Variants in NAA60 observed in about 807,000 individuals in gnomAD.
The protein encoded by NAA60 is N-alpha-acetyltransferase 60, NatF catalytic subunit, also known as N-alpha-acetyltransferase 60.
NAA60 carries 8 observed loss-of-function variants against 26.1 expected under a neutral mutation model. That is an observed-to-expected ratio of 0.31 (90% CI 0.18 to 0.55). NAA60 has a LOEUF of 0.55. Among genes scored for constraint, NAA60 ranks in the 20% least tolerant of loss-of-function variants. NAA60 has a pLI of 0.93. For synonymous variants in NAA60, 131 were observed against 122.5 expected, an observed-to-expected ratio of 1.07 and a Z score of -0.46; for missense variants, 290 against 311.3, an observed-to-expected ratio of 0.93 and a Z score of 0.51.
Position 3,485,443 on chromosome 16 carries a change from G to C in NAA60, c.*207-24G>C, listed in dbSNP as rs188884186. 451 of 458,496 alleles carry C rather than the reference G, an allele frequency of 9.8e-4. 1 individual carries two copies. The highest frequency in any genetic ancestry group is 1.6e-3 in the Non-Finnish European group (361 of 228,458). The allele number at this position is 458,496 out of a possible 1,614,324, so 28.4% of individuals were successfully genotyped here. A position where few individuals can be genotyped will look rare whatever the true frequency, so the allele number is the denominator to read the frequency against. On this transcript the variant is annotated intron_variant, in intron 7 of 7. Transcript: ENST00000407558. ...AGTGTCTCCGCCGGGCCTTCACCCT[G>C]CCCTGCTCTTCTCTTTCCCACAGGC...
chr16:3,448,496 A>T lies in NAA60; in HGVS notation c.-51A>T, dbSNP rs1202582405. 1 of 1,535,462 alleles carries T rather than the reference A, an allele frequency of 6.5e-7. No individual in the cohort carries two copies. The highest frequency in any genetic ancestry group is 8.7e-7 in the Non-Finnish European group (1 of 1,146,874). ...CATACAGAAAGGCTGTACCTGGAGG[A>T]AGGAAGTGCGGAGCCAGCCTGAGTT... On this transcript the variant is annotated 5_prime_UTR_variant, in exon 2 of 8. An upstream open reading frame in the 5' UTR gains an earlier in-frame stop. Coordinates refer to ENST00000407558, the MANE Select transcript of NAA60 (RefSeq NM_001083601.3).
intron 3 of NAA60, among the ~76,000 whole-genome samples, chr16:3,478,196 A>G (rs766260215): frequency 3.1e-4 from 47 of 152,190 alleles, no homozygotes; most frequent in Non-Finnish European, 4.6e-4. Context: ...AGATCACAAC[A>G]CTGAACTCCA....
At chr16:3,458,498 A>G (rs1046478650) in intron 2 of NAA60, among the ~76,000 whole-genome samples, 2 of 152,074 alleles carry the variant, frequency 1.3e-5, no homozygotes, top group African/African-American at 2.4e-5. Context: ...GGTCGGGACA[A>G]TTTGCAACTA....
At chr16:3,473,037 C>T (rs1381224278) in intron 2 of NAA60, among the ~76,000 whole-genome samples, 2 of 151,542 alleles carry the variant, frequency 1.3e-5, no homozygotes, top group Non-Finnish European at 2.9e-5. Flanking sequence ...TGTTTTGTTT[C>T]GTTTCATTTC....
chr16:3,476,476 C>T, intron 3 of NAA60, 139 bp downstream of exon 3: 3 of 662,198 alleles, frequency 4.5e-6, no homozygotes, highest in Non-Finnish European at 5.2e-6. Context: ...ACAGGGGTCC[C>T]AGGTTACCCA....
At chr16:3,450,328 C>T (rs138307733) in intron 2 of NAA60, among the ~76,000 whole-genome samples, 1 of 152,046 alleles carries the variant, frequency 6.6e-6, no homozygotes, top group African/African-American at 2.4e-5. Context: ...TTTCTGGGAC[C>T]CTGGGAAAAA....
intron 1 of NAA60, 67 bp from the exon 2 acceptor site, chr16:3,448,404 G>C: frequency 7.5e-7 from 1 of 1,340,522 alleles, no homozygotes; most frequent in Non-Finnish European, 1.0e-6. Context: ...ACACTCATTA[G>C]CCTATGAGTT....
chr16:3,478,143 G>A (rs1188601072), intron 3 of NAA60, among the ~76,000 whole-genome samples: 1 of 152,132 alleles, frequency 6.6e-6, no homozygotes, highest in African/African-American at 2.4e-5. Context: ...GGCTGAGGCA[G>A]GAGAATCACT....
chr16:3,477,977 A>C (rs931371514), intron 3 of NAA60, among the ~76,000 whole-genome samples: 10 of 152,088 alleles, frequency 6.6e-5, no homozygotes, highest in African/African-American at 2.4e-4. Context: ...AGGCAGGAGA[A>C]TCGCTTGAAC....
At chr16:3,446,497 C>T (rs2034560238) in intron 1 of NAA60, among the ~76,000 whole-genome samples, 2 of 147,868 alleles carry the variant, frequency 1.4e-5, no homozygotes, top group Non-Finnish European at 3.0e-5. Flanking sequence ...CACCACTGCA[C>T]TCCAGCCTGG....
At chr16:3,450,030 CAA>C (rs767110915) in intron 2 of NAA60, 2 of 361,082 alleles carry the variant, frequency 5.5e-6, no homozygotes, top group Admixed American at 5.3e-5. Context: ...TACATCGTCT[CAA>C]AAAAAGAGAA....
chr16:3,459,154 C>A (rs1170624624), intron 2 of NAA60, among the ~76,000 whole-genome samples: 1 of 152,182 alleles, frequency 6.6e-6, no homozygotes, highest in African/African-American at 2.4e-5. Flanking sequence ...AGTGCCAGAA[C>A]TGGAGAGAAC....
chr16:3,465,124 G>A (rs77553486), intron 2 of NAA60, among the ~76,000 whole-genome samples: 7,177 of 152,056 alleles, frequency 0.047, 549 homozygotes, highest in African/African-American at 0.16. Flanking sequence ...AAAGTTAGCC[G>A]AATGTGGTGG....
At chr16:3,458,332 C>T (rs1001815725) in intron 2 of NAA60, among the ~76,000 whole-genome samples, 1 of 150,828 alleles carries the variant, frequency 6.6e-6, no homozygotes, top group Non-Finnish European at 1.5e-5. Context: ...CGCCCGCGCC[C>T]CCGGCGCACG....
intron 2 of NAA60, among the ~76,000 whole-genome samples, chr16:3,455,893 G>T (rs915789602): frequency 6.6e-6 from 1 of 151,746 alleles, no homozygotes; most frequent in South Asian, 2.1e-4. Flanking sequence ...TTTTAGTAGC[G>T]ACGGGGTTTC....
intron 2 of NAA60, among the ~76,000 whole-genome samples, chr16:3,465,595 G>T (rs370400434): frequency 6.6e-6 from 1 of 152,154 alleles, no homozygotes; most frequent in Non-Finnish European, 1.5e-5. Flanking sequence ...TTCCTCTCTG[G>T]GGGGACCCTG....
rs191892085 is a variant in NAA60, at chr16:3,474,029, C to T, written c.-6-2193C>T. On this transcript the variant is annotated intron_variant, in intron 2 of 7. Coordinates refer to ENST00000407558, the MANE Select transcript of NAA60 (RefSeq NM_001083601.3). ...TATTACAGGCATGAGCCACCATTCC[C>T]GGCCTATTTTTAAAGGGTCTGGAGT... Among the ~76,000 whole-genome samples the T allele has an allele frequency of 9.5e-4, 142 of 149,530 alleles. No homozygotes were observed. In the Middle Eastern group the frequency reaches 0.01, roughly 11 times the overall value.
chr16:3,483,473 T>C lies in NAA60; in HGVS notation c.448T>C (p.Tyr150His). The C allele has an allele frequency of 1.2e-6, 2 of 1,614,022 alleles. No individual in the cohort carries two copies. Residue 150 changes from tyrosine (Y) to histidine (H), a missense_variant, in exon 6 of 8, where the codon TAT becomes CAT. By Grantham distance (83) the Tyr-to-His change is moderately conservative (BLOSUM62 2). Transcript: ENST00000407558. ...CACCAACAACACAGCAATAAACTTC[T>C]ATGAAAACAGAGACTTCAAGCAGCA... The part of the protein sequence containing the change: ...LTTNNTAINF[Y>H]ENRDFKQHHY...
At chr16:3,475,535 CAG>C (rs994222570) in intron 2 of NAA60, among the ~76,000 whole-genome samples, 19 of 152,202 alleles carry the variant, frequency 1.2e-4, no homozygotes, top group Admixed American at 7.2e-4. Context: ...TTAAATAAAA[CAG>C]GGGGGCTGCT....
Sources: allele counts gnomAD v4.1 joint callset (sites outside exome capture counted in the v4.1 genomes callset), GRCh38; gene constraint gnomAD v4.1.1; transcripts MANE v1.5; gene names NCBI Gene and HGNC (gene_info 2026-07-23, HGNC 2026-07-21).